Variants in CTNND2 observed in about 807,000 individuals in gnomAD.
CTNND2 encodes the protein catenin delta 2.
Under a neutral mutation model 144.4 loss-of-function variants are expected in CTNND2, and 22 were observed. That is an observed-to-expected ratio of 0.15 (90% CI 0.11 to 0.22). The LOEUF (loss-of-function observed/expected upper bound fraction) is 0.22. Among genes scored for constraint, CTNND2 ranks in the 10% least tolerant of loss-of-function variants. The pLI, the probability that CTNND2 is intolerant of heterozygous loss-of-function variation, is 1.00. For synonymous variants in CTNND2, 751 were observed against 695.6 expected (o/e 1.08, Z -1.25); for missense variants, 1,353 against 1,618.8 (o/e 0.84, Z 2.82).
At chr5:11,241,231 A>G (rs1376271011) in intron 9 of CTNND2, among the ~76,000 whole-genome samples, 1 of 152,222 alleles carries the variant, frequency 6.6e-6, no homozygotes, top group Non-Finnish European at 1.5e-5. Context: ...CTATGCCTCC[A>G]TCGCATCTCA....
chr5:11,382,160 C>G (rs983111959), intron 7 of CTNND2, among the ~76,000 whole-genome samples: 1 of 152,126 alleles, frequency 6.6e-6, no homozygotes, highest in Non-Finnish European at 1.5e-5. Flanking sequence ...AAGTCTCTTC[C>G]TAATTAGAGC....
At chr5:11,075,637 C>T (rs1045702009) in intron 16 of CTNND2, among the ~76,000 whole-genome samples, 3 of 152,238 alleles carry the variant, frequency 2.0e-5, no homozygotes, top group Non-Finnish European at 4.4e-5. Flanking sequence ...GGCAAGTTGC[C>T]ACCACCCGGG....
At chr5:11,855,860 T>C (rs891982152) in intron 1 of CTNND2, among the ~76,000 whole-genome samples, 1 of 152,224 alleles carries the variant, frequency 6.6e-6, no homozygotes, top group Non-Finnish European at 1.5e-5. Flanking sequence ...GAGGTCATAG[T>C]CTGCAAACCA....
chr5:11,715,869 A>C (rs1786321930), intron 2 of CTNND2, among the ~76,000 whole-genome samples: 1 of 152,256 alleles, frequency 6.6e-6, no homozygotes, highest in Non-Finnish European at 1.5e-5. Context: ...ATTTATTGGA[A>C]GAATACTGGG....
chr5:11,189,950 T>TTG (rs1195238013), intron 11 of CTNND2, among the ~76,000 whole-genome samples: 1 of 152,016 alleles, frequency 6.6e-6, no homozygotes, highest in East Asian at 1.9e-4. Context: ...GTGCTGAGGG[T>TTG]TGTAAGTTTT....
chr5:11,807,900 G>A (rs1300828627), intron 1 of CTNND2, among the ~76,000 whole-genome samples: 2 of 152,220 alleles, frequency 1.3e-5, no homozygotes, highest in East Asian at 3.9e-4. Context: ...GTTTGAGTAG[G>A]TTATGTACTG....
intron 12 of CTNND2, among the ~76,000 whole-genome samples, chr5:11,135,602 A>G (rs1217707490): frequency 6.6e-6 from 1 of 152,236 alleles, no homozygotes; most frequent in East Asian, 1.9e-4. Context: ...TTTAATTTGA[A>G]TCACAAATAC....
chr5:11,040,729 T>C (rs969223492), intron 16 of CTNND2, among the ~76,000 whole-genome samples: 1 of 152,214 alleles, frequency 6.6e-6, no homozygotes, highest in African/African-American at 2.4e-5. Flanking sequence ...TTTTGAGAAA[T>C]ACTGAAAATG....
At chr5:11,796,376 C>T (rs1371920820) in intron 1 of CTNND2, among the ~76,000 whole-genome samples, 1 of 152,226 alleles carries the variant, frequency 6.6e-6, no homozygotes, top group African/African-American at 2.4e-5. Flanking sequence ...CTAGAAACTA[C>T]TTTTGCACTA....
chr5:11,432,221 C>A (rs1303268355), intron 3 of CTNND2, among the ~76,000 whole-genome samples: 1 of 141,480 alleles, frequency 7.1e-6, no homozygotes, highest in African/African-American at 2.6e-5. Flanking sequence ...TAAATTAATA[C>A]CTGGCAACAC....
At chr5:11,856,377 A>T (rs1268924966) in intron 1 of CTNND2, among the ~76,000 whole-genome samples, 1 of 152,186 alleles carries the variant, frequency 6.6e-6, no homozygotes, top group Non-Finnish European at 1.5e-5. Flanking sequence ...AGTGAGTGTC[A>T]TCTGAAGGAG....
In CTNND2 at chr5:11,385,020, G is replaced by A. The variant is rs1272606890; in HGVS notation, c.822C>T (p.Gly274=). The A allele has an allele frequency of 8.1e-6, 10 of 1,235,890 alleles. No homozygotes were observed. The highest frequency in any genetic ancestry group is 9.0e-6 in the Non-Finnish European group (9 of 995,270). 76.6% of individuals were successfully genotyped at this position (1,235,890 alleles called of 1,614,324 possible). The change falls in exon 7 of 22, where the codon GGC becomes GGT. Residue 274 remains glycine, a synonymous_variant. Transcript: ENST00000304623. ...RGGSPLAAPQ[G]GSPTKLQRGG... ...CGCGCTGCAGCTTGGTGGGCGAACCGCCCTGGGGCGCGGCCAGCGGGGAGC... is the reference window on the plus strand; with the variant it reads ...CGCGCTGCAGCTTGGTGGGCGAACCACCCTGGGGCGCGGCCAGCGGGGAGC...
At chr5:11,041,936 G>A (rs1487169083) in intron 16 of CTNND2, among the ~76,000 whole-genome samples, 1 of 152,160 alleles carries the variant, frequency 6.6e-6, no homozygotes, top group African/African-American at 2.4e-5. Flanking sequence ...CTTTGAATTA[G>A]CAAAGTAAAG....
At chr5:11,891,033 A>G (rs1736915910) in intron 1 of CTNND2, among the ~76,000 whole-genome samples, 1 of 152,136 alleles carries the variant, frequency 6.6e-6, no homozygotes, top group Non-Finnish European at 1.5e-5. Context: ...TGCTGCAGAA[A>G]CCCTGGTGAG....
At chr5:11,548,477 A>G (rs1416160823) in intron 3 of CTNND2, among the ~76,000 whole-genome samples, 2 of 152,238 alleles carry the variant, frequency 1.3e-5, no homozygotes, top group Non-Finnish European at 2.9e-5. Flanking sequence ...TCTGAAAATT[A>G]TATTTGTATA....
chr5:11,535,461 G>C (rs1361893465), intron 3 of CTNND2, among the ~76,000 whole-genome samples: 1 of 152,082 alleles, frequency 6.6e-6, no homozygotes, highest in Non-Finnish European at 1.5e-5. Context: ...CCTATAGGTA[G>C]TATCATGATA....
At chr5:11,763,470 G>A (rs892384895) in intron 1 of CTNND2, among the ~76,000 whole-genome samples, 5 of 152,142 alleles carry the variant, frequency 3.3e-5, no homozygotes, top group Non-Finnish European at 5.9e-5. Flanking sequence ...TTCTGCACAG[G>A]TTATTTGGCT....
At chr5:11,818,519 C>T (rs998825163) in intron 1 of CTNND2, among the ~76,000 whole-genome samples, 3 of 152,036 alleles carry the variant, frequency 2.0e-5, no homozygotes, top group African/African-American at 7.2e-5. Context: ...CAGCTGCCAC[C>T]ACCATGCCCA....
At chr5:11,090,520 T>C (rs2907110) in intron 15 of CTNND2, among the ~76,000 whole-genome samples, 22,300 of 152,178 alleles carry the variant, frequency 0.15, 2,041 homozygotes, top group African/African-American at 0.26. Flanking sequence ...CAGCAGCATT[T>C]GATTCTCATA....
Sources: allele counts gnomAD v4.1 joint callset (sites outside exome capture counted in the v4.1 genomes callset), GRCh38; gene constraint gnomAD v4.1.1; transcripts MANE v1.5; gene names NCBI Gene and HGNC (gene_info 2026-07-23, HGNC 2026-07-21).